The following PLK5 variants were observed in gnomAD, a reference collection of about 807,000 sequenced individuals.
PLK5 encodes polo like kinase 5 (inactive).
PLK5 carries 28 observed loss-of-function variants against 33.7 expected under a neutral mutation model. That is an observed-to-expected ratio of 0.83 (90% CI 0.62 to 1.14). The LOEUF (loss-of-function observed/expected upper bound fraction) is 1.14, where lower values mean the gene tolerates loss of function less well. Among genes scored for constraint, PLK5 ranks in the 50% most tolerant of loss-of-function variants. The pLI is 0.00. For missense variants in PLK5, 492 were observed against 461.5 expected, an observed-to-expected ratio of 1.07 and a Z score of -0.61; for synonymous variants, 225 against 202.2, an observed-to-expected ratio of 1.11 and a Z score of -0.96.
In PLK5 at chr19:1,529,456, G is replaced by T; in HGVS notation, c.456G>T (p.Leu152=). The stretch of plus-strand genomic sequence containing the variant: ...CCTGCCTGGAAGGCCCCATCCACCT[G>T]GTCGCACAAGGGACCCTGCAGAGTG... ...EVPCLEGPIH[L]VAQGTLQSDL... The change falls in exon 10 of 14, where the codon CTG becomes CTT. Residue 152 remains leucine (L), a synonymous_variant. Transcript: ENST00000454744. 19 of 1,536,044 alleles carry T rather than the reference G, an allele frequency of 1.2e-5. No individual in the cohort carries two copies. The highest frequency in any genetic ancestry group is 1.6e-5 in the Non-Finnish European group (18 of 1,146,854).
chr19:1,529,910 G>C (rs1009475564), intron 11 of PLK5, 86 bp downstream of exon 11: 5 of 1,375,414 alleles, frequency 3.6e-6, no homozygotes, highest in Non-Finnish European at 4.9e-6. Flanking sequence ...GCCCTCCTGG[G>C]TATTTCTGGG....
At chr19:1,529,627 T>C (rs1347273672) in intron 10 of PLK5, 120 bp from the exon 11 acceptor site, 2 of 1,402,772 alleles carry the variant, frequency 1.4e-6, no homozygotes, top group Non-Finnish European at 1.9e-6. Context: ...CAAATGGGAA[T>C]GCCGCCTCTG....
intron 11 of PLK5, among the ~76,000 whole-genome samples, chr19:1,530,834 G>T (rs182714181): frequency 0.015 from 2,229 of 151,262 alleles, 60 homozygotes; most frequent in African/African-American, 0.052. Context: ...TAGCCAGGAT[G>T]GTCTCGATCT....
chr19:1,526,206 C>T (rs1341849149), intron 3 of PLK5, among the ~76,000 whole-genome samples: 2 of 152,168 alleles, frequency 1.3e-5, no homozygotes, highest in African/African-American at 4.8e-5. Context: ...CCTGGCCCTT[C>T]TCAAGCTGAC....
rs375597625 is a variant in PLK5 at position 1,528,436 on chromosome 19, C to T, written c.328+8C>T. ...CCCAGTGCCGGCCACCCTGTAAGTA[C>T]CACCCCCGCCCACACCTGCCCAACA... On this transcript the variant is annotated splice_region_variant and intron_variant, in intron 8 of 13. Transcript: ENST00000454744. 1.3e-6 allele frequency: 2 copies of T among 1,527,852 alleles called. No individual in the cohort carries two copies. 94.6% of individuals were successfully genotyped at this position (1,527,852 alleles called of 1,614,324 possible).
At chr19:1,533,559 T>A (rs1331609653) in intron 12 of PLK5, among the ~76,000 whole-genome samples, 1 of 151,990 alleles carries the variant, frequency 6.6e-6, no homozygotes, top group African/African-American at 2.4e-5. Context: ...AGCTGTCAGC[T>A]GAGGTGAAGA....
At position 1,527,918 on chromosome 19, in the gene PLK5, G is replaced by A; in HGVS notation, c.3-18G>A. On this transcript the variant is annotated intron_variant, in intron 6 of 13. Transcript: ENST00000454744. ...GCGATGCCTGGACACCCAGGTTCTT[G>A]CCCCCCACCTGGCCCAGGTACACGG... 6.5e-7 allele frequency: 1 copy of A among 1,529,142 alleles called. No homozygotes were observed. Among genetic ancestry groups the A allele is most frequent in the Non-Finnish European group, 8.8e-7 (1 of 1,141,984 alleles). 94.7% of individuals were successfully genotyped at this position (1,529,142 alleles called of 1,614,324 possible). A position where few individuals can be genotyped will look rare whatever the true frequency, so the allele number is the denominator to read the frequency against.
chr19:1,529,553 G>T, intron 10 of PLK5, 63 bp downstream of exon 10: 1 of 1,483,800 alleles, frequency 6.7e-7, no homozygotes, highest in African/African-American at 1.4e-5. Context: ...CAAGTGACAG[G>T]GGGACCAAGG....
At position 1,527,054 on chromosome 19, in the gene PLK5, G is replaced by T. The variant is rs886387641; in HGVS notation, c.2+56G>T. ...GCCTCCGGGGGGGGCAGGTGTGGCG[G>T]GGGGGGAGCCTGCACGGAACAGGTG... On this transcript the variant is annotated intron_variant, in intron 6 of 13. Coordinates refer to ENST00000454744, the MANE Select transcript of PLK5 (RefSeq NM_001243079.2). 24 of 1,107,664 alleles carry T rather than the reference G, an allele frequency of 2.2e-5. No individual in the cohort carries two copies. The African/African-American group carries it at 6.0e-4, about 28-fold the overall frequency. The allele number at this position is 1,107,664 out of a possible 1,614,324, so 68.6% of individuals were successfully genotyped here.
chr19:1,529,818 C>A lies in PLK5; in HGVS notation c.562C>A (p.Pro188Thr), dbSNP rs992632429. The A allele has an allele frequency of 3.3e-6, 5 of 1,535,506 alleles. No homozygotes were observed. The African/African-American group carries it at 5.5e-5, about 17-fold the overall frequency. The change falls in exon 11 of 14, where the codon CCC becomes ACC. Residue 188 changes from proline to threonine, a missense_variant. By Grantham distance (38) the Pro-to-Thr change is conservative. Transcript: ENST00000454744. Reference sequence around the variant, plus strand: ...CCTGCAGCTGTGCCTGGATGTAGGCCCCCCGGGTAGGAGCCGGCCCAGCCC... The same window carrying A: ...CCTGCAGCTGTGCCTGGATGTAGGCACCCCGGGTAGGAGCCGGCCCAGCCC... ...RHLQLCLDVG[P>T]PATQDPLGEQ...
intron 11 of PLK5, 92 bp downstream of exon 11, chr19:1,529,916 C>A (rs547212870): frequency 9.6e-6 from 13 of 1,353,300 alleles, no homozygotes; most frequent in Non-Finnish European, 1.2e-5. Context: ...CTGGGTATTT[C>A]TGGGGGTGAG....
chr19:1,535,256 C>A lies in PLK5; in HGVS notation c.*6C>A. 1 of 1,534,594 alleles carries A rather than the reference C, an allele frequency of 6.5e-7. No individual in the cohort carries two copies. Among genetic ancestry groups the A allele is most frequent in the Non-Finnish European group, 8.7e-7 (1 of 1,146,074 alleles). ...GCATGCTGCAGAGTATCTAGTGCCC[C>A]TGAGGGTCAGAGTGGACCCCTGCAT... is the stretch of plus-strand genomic sequence containing the variant. On this transcript the variant is annotated 3_prime_UTR_variant, in exon 14 of 14. Coordinates refer to ENST00000454744, the MANE Select transcript of PLK5 (RefSeq NM_001243079.2).
chr19:1,535,469 G>A lies in PLK5; in HGVS notation c.*219G>A. 3.6e-6 allele frequency: 2 copies of A among 550,354 alleles called. No individual in the cohort carries two copies. The highest frequency in any genetic ancestry group is 6.2e-6 in the Non-Finnish European group (2 of 324,972). The allele number at this position is 550,354 out of a possible 1,614,324, so 34.1% of individuals were successfully genotyped here. A position where few individuals can be genotyped will look rare whatever the true frequency, so the allele number is the denominator to read the frequency against. ...TTTGAAATGCTGTAGGCCATGGTCT[G>A]CCTCTCTTTGGGGGAAAGCGTTTGA... On this transcript the variant is annotated 3_prime_UTR_variant, in exon 14 of 14. Transcript: ENST00000454744.
chr19:1,531,598 C>T (rs1913929766), intron 11 of PLK5, 140 bp from the exon 12 acceptor site: 5 of 989,980 alleles, frequency 5.1e-6, no homozygotes, highest in African/African-American at 3.4e-5. Flanking sequence ...CTAGAATCCA[C>T]CACCGAAGCC....
At chr19:1,534,187 G>A (rs1227441410) in intron 13 of PLK5, 146 bp downstream of exon 13, 7 of 662,960 alleles carry the variant, frequency 1.1e-5, no homozygotes, top group Non-Finnish European at 1.8e-5. Context: ...ATTGGCTCCT[G>A]CGTACAAAAC....
chr19:1,534,678 G>T (rs1417234760), intron 13 of PLK5, among the ~76,000 whole-genome samples: 1 of 150,994 alleles, frequency 6.6e-6, no homozygotes, highest in Admixed American at 6.6e-5. Context: ...TTAGCCGGGC[G>T]TGGTGGCGGG....
chr19:1,529,326 G>A (rs1171702428), intron 9 of PLK5, 80 bp from the exon 10 acceptor site: 3 of 1,271,022 alleles, frequency 2.4e-6, no homozygotes, highest in Non-Finnish European at 2.2e-6. Flanking sequence ...ACAGGCAGGG[G>A]CCAGAGCCTG....
Position 1,535,225 on chromosome 19 carries a change from C to G in PLK5, c.986C>G (p.Ala329Gly). 6.5e-7 allele frequency: 1 copy of G among 1,535,968 alleles called. No individual in the cohort carries two copies. Residue 329 changes from alanine to glycine, a missense_variant, in exon 14 of 14, where the codon GCC (alanine) becomes GGC (glycine). Coordinates refer to ENST00000454744, the MANE Select transcript of PLK5 (RefSeq NM_001243079.2). ...ACCACCGGACAGCACCTTCACCACGCCCTCCGCATGCTGCAGAGTATCTAG... is the reference window on the plus strand; with the variant it reads ...ACCACCGGACAGCACCTTCACCACGGCCTCCGCATGCTGCAGAGTATCTAG... ...APTTGQHLHH[A>G]LRMLQSI
chr19:1,532,248 T>C (rs1913952552), intron 12 of PLK5, among the ~76,000 whole-genome samples: 1 of 151,934 alleles, frequency 6.6e-6, no homozygotes, highest in South Asian at 2.1e-4. Context: ...CCTACAAAAA[T>C]TTTAATAATT....
Sources: allele counts gnomAD v4.1 joint callset (sites outside exome capture counted in the v4.1 genomes callset), GRCh38; gene constraint gnomAD v4.1.1; transcripts MANE v1.5; gene names NCBI Gene and HGNC (gene_info 2026-07-23, HGNC 2026-07-21).